The following NOPCHAP1 variants were observed in gnomAD, a reference collection of about 807,000 sequenced individuals.
NOPCHAP1 encodes DNA damage-sensitive RNA 1.
In NOPCHAP1, 13 loss-of-function variants were observed where a neutral mutation model predicts 14.0. The ratio of observed to expected loss-of-function variants is 0.93; its 90% CI spans 0.60 to 1.47. NOPCHAP1 has a LOEUF of 1.47. Among genes scored for constraint, NOPCHAP1 ranks in the 40% most tolerant of loss-of-function variants. The probability of loss-of-function intolerance (pLI) is 0.00; values close to 1 mark genes in which losing one functional copy is unlikely to be tolerated. For synonymous variants in NOPCHAP1, 78 were observed against 78.4 expected (o/e 1.00, Z 0.03); for missense variants, 230 against 226.9 (o/e 1.01, Z -0.09).
chr12:104,989,261 A>G (rs1329301874), intron 2 of NOPCHAP1, among the ~76,000 whole-genome samples: 1 of 152,212 alleles, frequency 6.6e-6, no homozygotes, highest in Non-Finnish European at 1.5e-5. Context: ...AAACACATTT[A>G]AAAAATCAGG....
chr12:104,992,329 C>A (rs1295847764), intron 3 of NOPCHAP1, among the ~76,000 whole-genome samples: 1 of 152,212 alleles, frequency 6.6e-6, no homozygotes, highest in Admixed American at 6.5e-5. Context: ...CCATTCTATT[C>A]AGCTCTCCCT....
intron 3 of NOPCHAP1, among the ~76,000 whole-genome samples, chr12:104,993,622 G>A (rs1044142185): frequency 2.6e-5 from 4 of 152,192 alleles, no homozygotes; most frequent in Admixed American, 6.5e-5. Flanking sequence ...AGAGCAGTGC[G>A]TCACTGTGTA....
Position 105,003,586 on chromosome 12 carries a change from G to T in NOPCHAP1, c.*8890G>T, listed in dbSNP as rs1331434973. The T allele has an allele frequency of 6.6e-6, 1 of 152,220 alleles. No individual in the cohort carries two copies. The highest frequency in any genetic ancestry group is 1.9e-4 in the East Asian group (1 of 5,204). 9.4% of individuals were successfully genotyped at this position (152,220 alleles called of 1,614,324 possible). On this transcript the variant is annotated 3_prime_UTR_variant, in exon 4 of 4. Coordinates refer to ENST00000552951, the MANE Select transcript of NOPCHAP1 (RefSeq NM_152318.3). ...TAGACCCAGCAAATACATTCATTTG[G>T]TCACTAGGGTGCTCCTGGGCGGTTG...
rs1873655056 is a variant in NOPCHAP1 at position 105,003,692 on chromosome 12, T to A, written c.*8996T>A. The A allele has an allele frequency of 6.6e-6, 1 of 152,224 alleles. No homozygotes were observed. The highest frequency in any genetic ancestry group is 2.4e-5 in the African/African-American group (1 of 41,458). The allele number at this position is 152,224 out of a possible 1,614,324, so 9.4% of individuals were successfully genotyped here. ...TCTAGACAAATTAAATTTAACAGTT[T>A]GTTTGAGCAAAGAACAATTTTATGA... On this transcript the variant is annotated 3_prime_UTR_variant, in exon 4 of 4. Coordinates refer to ENST00000552951, the MANE Select transcript of NOPCHAP1 (RefSeq NM_152318.3).
chr12:105,014,170 CT>C lies in NOPCHAP1; in HGVS notation c.*19475del, dbSNP rs1873899193. 6.6e-6 allele frequency: 1 copy of C among 152,158 alleles called. No homozygotes were observed. The highest frequency in any genetic ancestry group is 6.5e-5 in the Admixed American group (1 of 15,270). 9.4% of individuals were successfully genotyped at this position (152,158 alleles called of 1,614,324 possible). A position where few individuals can be genotyped will look rare whatever the true frequency, so the allele number is the denominator to read the frequency against. On this transcript the variant is annotated 3_prime_UTR_variant, in exon 4 of 4. Transcript: ENST00000552951. ...AATTTTATGCAGTTATGATTTAATA[CT>C]GTGTCTTTGCATTTGTTTGTATTTC...
At position 104,986,870 on chromosome 12, in the gene NOPCHAP1, T is replaced by C. The variant is rs535599712; in HGVS notation, c.115+403T>C. ...AAGCGGAGTAATATTATGCTAACAG[T>C]CCCTACCTCTTTCACACCCACACAG... On this transcript the variant is annotated intron_variant, in intron 1 of 3. Coordinates refer to ENST00000552951, the MANE Select transcript of NOPCHAP1 (RefSeq NM_152318.3). Among the ~76,000 whole-genome samples the C allele has an allele frequency of 3.3e-5, 5 of 152,202 alleles. No homozygotes were observed. The East Asian group carries it at 9.7e-4, about 29-fold the overall frequency.
chr12:105,009,132 ATTTG>A lies in NOPCHAP1; in HGVS notation c.*14442_*14445del, dbSNP rs1257812924. 1 of 152,166 alleles carries A rather than the reference ATTTG, an allele frequency of 6.6e-6. No individual in the cohort carries two copies. Among genetic ancestry groups the A allele is most frequent in the Non-Finnish European group, 1.5e-5 (1 of 68,036 alleles). 9.4% of individuals were successfully genotyped at this position (152,166 alleles called of 1,614,324 possible). ...ATCCATGAGCATGGAATGTTTTTCC[ATTTG>A]TTTGTGTCCTCTCTGATTTCTTTGA... On this transcript the variant is annotated 3_prime_UTR_variant, in exon 4 of 4. Coordinates refer to ENST00000552951, the MANE Select transcript of NOPCHAP1 (RefSeq NM_152318.3).
rs1460157991 is a variant in NOPCHAP1, at chr12:105,015,478, T to C, written c.*20782T>C. 1 of 152,240 alleles carries C rather than the reference T, an allele frequency of 6.6e-6. No individual in the cohort carries two copies. Among genetic ancestry groups the C allele is most frequent in the Non-Finnish European group, 1.5e-5 (1 of 68,044 alleles). The allele number at this position is 152,240 out of a possible 1,614,324, so 9.4% of individuals were successfully genotyped here. A position where few individuals can be genotyped will look rare whatever the true frequency, so the allele number is the denominator to read the frequency against. ...ACAGTTGTTATTGTCAGTTTTGCTTTCCATGGTTTCAGCTACCCATAGTCA... is the reference window on the plus strand; with the variant it reads ...ACAGTTGTTATTGTCAGTTTTGCTTCCCATGGTTTCAGCTACCCATAGTCA... On this transcript the variant is annotated 3_prime_UTR_variant, in exon 4 of 4. Transcript: ENST00000552951.
chr12:104,995,362 T>C lies in NOPCHAP1; in HGVS notation c.*666T>C, dbSNP rs1039697034. The C allele has an allele frequency of 6.6e-6, 1 of 152,244 alleles. No homozygotes were observed. Among genetic ancestry groups the C allele is most frequent in the Non-Finnish European group, 1.5e-5 (1 of 68,120 alleles). 9.4% of individuals were successfully genotyped at this position (152,244 alleles called of 1,614,324 possible). ...ATGGTGGCAGTGTCCAAAGAAACAATAGTGTCAGCTACAAATTGTATTGAA... is the reference window on the plus strand; with the variant it reads ...ATGGTGGCAGTGTCCAAAGAAACAACAGTGTCAGCTACAAATTGTATTGAA... On this transcript the variant is annotated 3_prime_UTR_variant, in exon 4 of 4. Transcript: ENST00000552951.
chr12:104,991,648 A>G (rs1873378123), intron 2 of NOPCHAP1, 64 bp from the exon 3 acceptor site: 2 of 1,474,710 alleles, frequency 1.4e-6, no homozygotes, highest in Non-Finnish European at 1.8e-6. Flanking sequence ...AAGTGTTTAT[A>G]GGAAATCCTG....
rs1025514790 is a variant in NOPCHAP1, at chr12:104,988,864, C to T, written c.202+611C>T. On this transcript the variant is annotated intron_variant, in intron 2 of 3. Coordinates refer to ENST00000552951, the MANE Select transcript of NOPCHAP1 (RefSeq NM_152318.3). ...CTCTGAAAGGAGAATTTAACTGTAG[C>T]ATCATTACTGTAGCACTAAATCTAC... Among the ~76,000 whole-genome samples, 3 of 152,102 alleles carry T rather than the reference C, an allele frequency of 2.0e-5. No individual in the cohort carries two copies. The East Asian group carries it at 5.8e-4, about 29-fold the overall frequency.
rs1356452935 is a variant in NOPCHAP1 at position 104,995,589 on chromosome 12, A to G, written c.*893A>G. Reference sequence around the variant, plus strand: ...AAATAAGATTTTTCCCTATCTGTGCATTAGTTTTAAATTCCATATGACTAG... The same window carrying G: ...AAATAAGATTTTTCCCTATCTGTGCGTTAGTTTTAAATTCCATATGACTAG... On this transcript the variant is annotated 3_prime_UTR_variant, in exon 4 of 4. Transcript: ENST00000552951. 1 of 152,142 alleles carries G rather than the reference A, an allele frequency of 6.6e-6. No individual in the cohort carries two copies. The highest frequency in any genetic ancestry group is 1.5e-5 in the Non-Finnish European group (1 of 68,042). The allele number at this position is 152,142 out of a possible 1,614,324, so 9.4% of individuals were successfully genotyped here.
rs1444285221 is a variant in NOPCHAP1, at chr12:105,004,839, A to G, written c.*10143A>G. On this transcript the variant is annotated 3_prime_UTR_variant, in exon 4 of 4. Coordinates refer to ENST00000552951, the MANE Select transcript of NOPCHAP1 (RefSeq NM_152318.3). ...AAAACTTAACTACTAATAGCCTACT[A>G]TTGACTAGAAGCCTTAGTGAAACAT... is the stretch of plus-strand genomic sequence containing the variant. 4 of 152,242 alleles carry G rather than the reference A, an allele frequency of 2.6e-5. No homozygotes were observed. The highest frequency in any genetic ancestry group is 4.4e-5 in the Non-Finnish European group (3 of 68,040). 9.4% of individuals were successfully genotyped at this position (152,242 alleles called of 1,614,324 possible).
At chr12:104,990,739 T>A (rs1873357099) in intron 2 of NOPCHAP1, among the ~76,000 whole-genome samples, 1 of 152,234 alleles carries the variant, frequency 6.6e-6, no homozygotes, top group South Asian at 2.1e-4. Context: ...ACTCCTCTTT[T>A]ATGGATTAGT....
intron 2 of NOPCHAP1, 76 bp downstream of exon 2, chr12:104,988,329 T>C: frequency 8.5e-7 from 1 of 1,178,344 alleles, no homozygotes; most frequent in Non-Finnish European, 1.2e-6. Context: ...GGTCTCTGCC[T>C]TCATTGTCAG....
At chr12:104,986,660 C>T (rs1873244560) in intron 1 of NOPCHAP1, among the ~76,000 whole-genome samples, 193 bp downstream of exon 1, 3 of 152,094 alleles carry the variant, frequency 2.0e-5, no homozygotes, top group South Asian at 2.1e-4. Context: ...CACCCGGCTG[C>T]GGGCCCGGAA....
intron 2 of NOPCHAP1, among the ~76,000 whole-genome samples, chr12:104,990,097 T>C (rs992094040): frequency 6.6e-6 from 1 of 152,262 alleles, no homozygotes; most frequent in Non-Finnish European, 1.5e-5. Flanking sequence ...TTATGGATTA[T>C]GTTTTCCTGT....
Position 105,008,206 on chromosome 12 carries a change from A to T in NOPCHAP1, c.*13510A>T, listed in dbSNP as rs1407611131. 1.3e-5 allele frequency: 2 copies of T among 152,164 alleles called. No homozygotes were observed. Among genetic ancestry groups the T allele is most frequent in the Non-Finnish European group, 2.9e-5 (2 of 68,030 alleles). The allele number at this position is 152,164 out of a possible 1,614,324, so 9.4% of individuals were successfully genotyped here. ...TGATCGCCATTCTAACTGGTAACTC[A>T]TTGTGGTTTTGATTTGCATTTCTCT... On this transcript the variant is annotated 3_prime_UTR_variant, in exon 4 of 4. Coordinates refer to ENST00000552951, the MANE Select transcript of NOPCHAP1 (RefSeq NM_152318.3).
At chr12:104,991,548 C>G (rs1180893360) in intron 2 of NOPCHAP1, among the ~76,000 whole-genome samples, 164 bp from the exon 3 acceptor site, 2 of 152,122 alleles carry the variant, frequency 1.3e-5, no homozygotes, top group African/African-American at 4.8e-5. Context: ...TGTAGTCCTA[C>G]TGTTTTATTC....
Sources: gnomAD v4.1 joint callset for allele counts (sites outside exome capture counted in the v4.1 genomes callset) on GRCh38, gnomAD v4.1.1 for gene constraint, MANE v1.5 for transcripts, NCBI Gene and HGNC (gene_info 2026-07-23, HGNC 2026-07-21) for gene names.